Variants in NEURL1 observed in about 807,000 individuals in gnomAD.
NEURL1 encodes the protein E3 ubiquitin-protein ligase NEURL1.
NEURL1 carries 26 observed loss-of-function variants against 41.2 expected under a neutral mutation model. The observed-to-expected ratio is 0.63, with a 90% CI of 0.46 to 0.87. The LOEUF is 0.87. Among genes scored for constraint, NEURL1 ranks in the 40% least tolerant of loss-of-function variants. The pLI is 0.00. For missense variants in NEURL1, 761 were observed against 871.1 expected, an observed-to-expected ratio of 0.87 and a Z score of 1.59; for synonymous variants, 400 against 402.3, an observed-to-expected ratio of 0.99 and a Z score of 0.07.
chr10:103,583,120 G>A (rs2035818533), intron 3 of NEURL1, among the ~76,000 whole-genome samples: 1 of 152,268 alleles, frequency 6.6e-6, no homozygotes, highest in South Asian at 2.1e-4. Context: ...AGAAGAATAT[G>A]GTGTTGGAAA....
rs534275348 is a variant in NEURL1, at chr10:103,556,825, G to T, written c.86-14047G>T. ...TGGCCTTGCCCGTCTGTGGGGTGGG[G>T]GCTCTTCTCAGGGCTTGCTGGCCCC... On this transcript the variant is annotated intron_variant, in intron 1 of 5. Coordinates refer to ENST00000369780, the MANE Select transcript of NEURL1 (RefSeq NM_004210.5). This position sits in a 1 kb window ranked among gnomAD's most constrained non-coding sequence, Gnocchi z 4.4. Among the ~76,000 whole-genome samples, 1 of 152,280 alleles carries T rather than the reference G, an allele frequency of 6.6e-6. No individual in the cohort carries two copies. The highest frequency in any genetic ancestry group is 2.1e-4 in the South Asian group (1 of 4,822).
At position 103,508,002 on chromosome 10, in the gene NEURL1, C is replaced by T. The variant is rs2033987169; in HGVS notation, c.85+13530C>T. Among the ~76,000 whole-genome samples the T allele has an allele frequency of 6.6e-6, 1 of 152,170 alleles. No individual in the cohort carries two copies. Among genetic ancestry groups the T allele is most frequent in the Admixed American group, 6.5e-5 (1 of 15,282 alleles). ...GGAGATCAAAGCCCCAGACCCCCAC[C>T]CTGGGGCTCAGCACTTATTAAATTA... On this transcript the variant is annotated intron_variant, in intron 1 of 5. Coordinates refer to ENST00000369780, the MANE Select transcript of NEURL1 (RefSeq NM_004210.5). The surrounding 1 kb of genome is among the most constrained non-coding windows in gnomAD (Gnocchi z 4.3).
rs2034908356 is a variant in NEURL1 at position 103,545,566 on chromosome 10, C to G, written c.86-25306C>G. Reference sequence around the variant, plus strand: ...CCTGGGGATCTTGCCTGTGGCCCAGCAGCTGGCATGGCCGGTGTCCTCTGG... The same window carrying G: ...CCTGGGGATCTTGCCTGTGGCCCAGGAGCTGGCATGGCCGGTGTCCTCTGG... On this transcript the variant is annotated intron_variant, in intron 1 of 5. Transcript: ENST00000369780. The surrounding 1 kb of genome is among the most constrained non-coding windows in gnomAD (Gnocchi z 4.5). Among the ~76,000 whole-genome samples, 1 of 152,158 alleles carries G rather than the reference C, an allele frequency of 6.6e-6. No individual in the cohort carries two copies.
chr10:103,502,861 C>T lies in NEURL1; in HGVS notation c.85+8389C>T, dbSNP rs574909396. Reference sequence around the variant, plus strand: ...GTTTGTGCCTGTCTCATTCCTGGACCTGCACACCCAGGGGCTAGAACTGAG... The same window carrying T: ...GTTTGTGCCTGTCTCATTCCTGGACTTGCACACCCAGGGGCTAGAACTGAG... On this transcript the variant is annotated intron_variant, in intron 1 of 5. Coordinates refer to ENST00000369780, the MANE Select transcript of NEURL1 (RefSeq NM_004210.5). Among the ~76,000 whole-genome samples the T allele has an allele frequency of 8.5e-5, 13 of 152,348 alleles. No homozygotes were observed. In the South Asian group the frequency reaches 2.7e-3, roughly 32 times the overall value.
At chr10:103,579,064 C>T (rs2035730183) in intron 3 of NEURL1, among the ~76,000 whole-genome samples, 2 of 152,234 alleles carry the variant, frequency 1.3e-5, no homozygotes, top group Admixed American at 1.3e-4. Flanking sequence ...AAGGAGGCCC[C>T]GGCCTGCCCT....
chr10:103,543,449 G>A (rs1473391124), intron 1 of NEURL1, among the ~76,000 whole-genome samples: 1 of 152,218 alleles, frequency 6.6e-6, no homozygotes, highest in African/African-American at 2.4e-5. Context: ...GGAGCAGAAG[G>A]GGGAAGAGTA....
At chr10:103,510,993 G>A (rs2034055728) in intron 1 of NEURL1, among the ~76,000 whole-genome samples, 1 of 152,152 alleles carries the variant, frequency 6.6e-6, no homozygotes, top group Non-Finnish European at 1.5e-5. Context: ...TTGCCAGTGG[G>A]CCTTGAATGG....
chr10:103,582,706 T>G (rs1017660665), intron 3 of NEURL1, among the ~76,000 whole-genome samples: 15 of 152,202 alleles, frequency 9.9e-5, no homozygotes, highest in Non-Finnish European at 1.8e-4. Flanking sequence ...AGCTTTGCTG[T>G]CATACCTGAG....
At position 103,591,007 on chromosome 10, in the gene NEURL1, G is replaced by A. The variant is rs1007705677; in HGVS notation, c.*635G>A. On this transcript the variant is annotated 3_prime_UTR_variant, in exon 6 of 6. Transcript: ENST00000369780. ...GGTGAGAGGCTGGTGGTTGCCTCCC[G>A]TCCTGGGCAGGCTGCAGCCTCATGC... 5 of 153,474 alleles carry A rather than the reference G, an allele frequency of 3.3e-5. No individual in the cohort carries two copies. The highest frequency in any genetic ancestry group is 6.5e-5 in the Admixed American group (1 of 15,380). 9.5% of individuals were successfully genotyped at this position (153,474 alleles called of 1,614,324 possible). A position where few individuals can be genotyped will look rare whatever the true frequency, so the allele number is the denominator to read the frequency against.
At chr10:103,519,288 A>T (rs1012592094) in intron 1 of NEURL1, among the ~76,000 whole-genome samples, 23 of 152,136 alleles carry the variant, frequency 1.5e-4, no homozygotes, top group Non-Finnish European at 2.6e-4. Flanking sequence ...ACACTTTTTT[A>T]AAAAATGAAC....
At chr10:103,536,574 A>G (rs1417184281) in intron 1 of NEURL1, among the ~76,000 whole-genome samples, 1 of 152,028 alleles carries the variant, frequency 6.6e-6, no homozygotes, top group Non-Finnish European at 1.5e-5. Flanking sequence ...CTATCTATCT[A>G]TATACCTATA....
intron 1 of NEURL1, among the ~76,000 whole-genome samples, chr10:103,552,657 C>T (rs1187958656): frequency 2.0e-5 from 3 of 152,158 alleles, no homozygotes; most frequent in African/African-American, 4.8e-5. Context: ...TGGAAGTCCG[C>T]GAGAGCTAGG....
At position 103,566,296 on chromosome 10, in the gene NEURL1, G is replaced by A. The variant is rs948047877; in HGVS notation, c.86-4576G>A. On this transcript the variant is annotated intron_variant, in intron 1 of 5. Transcript: ENST00000369780. This position sits in a 1 kb window ranked among gnomAD's most constrained non-coding sequence, Gnocchi z 4.2. ...CTGTACAACGAGATGAGGTCTCACG[G>A]TGTTGTCCAGGCTAAGATATGGAAC... Among the ~76,000 whole-genome samples, 1 of 152,092 alleles carries A rather than the reference G, an allele frequency of 6.6e-6. No individual in the cohort carries two copies. The highest frequency in any genetic ancestry group is 2.4e-5 in the African/African-American group (1 of 41,482).
intron 1 of NEURL1, among the ~76,000 whole-genome samples, chr10:103,569,355 G>A (rs1045730017): frequency 5.3e-5 from 8 of 152,224 alleles, no homozygotes; most frequent in Non-Finnish European, 7.3e-5. Context: ...TTGAGGAGAT[G>A]CACCACGGTG....
rs1287228110 is a variant in NEURL1 at position 103,545,945 on chromosome 10, G to A, written c.86-24927G>A. ...CATGACGGGGACTCTGGCAAAGTAG[G>A]ATGGTGACTGTGGGCACACTACAGC... On this transcript the variant is annotated intron_variant, in intron 1 of 5. Transcript: ENST00000369780. The surrounding 1 kb of genome is among the most constrained non-coding windows in gnomAD (Gnocchi z 4.5). Among the ~76,000 whole-genome samples, 1 of 152,164 alleles carries A rather than the reference G, an allele frequency of 6.6e-6. No homozygotes were observed. The highest frequency in any genetic ancestry group is 2.4e-5 in the African/African-American group (1 of 41,440).
intron 1 of NEURL1, among the ~76,000 whole-genome samples, chr10:103,563,586 G>A (rs2035353354): frequency 6.6e-6 from 1 of 152,206 alleles, no homozygotes; most frequent in Non-Finnish European, 1.5e-5. Flanking sequence ...AAAGATGGGT[G>A]GGGTTTGGAG....
chr10:103,513,709 T>A (rs1164229804), intron 1 of NEURL1, among the ~76,000 whole-genome samples: 1 of 146,522 alleles, frequency 6.8e-6, no homozygotes, highest in Non-Finnish European at 1.5e-5. Context: ...GGTCCTCTGG[T>A]TCTCAGACCT....
At chr10:103,532,485 G>C (rs2034592568) in intron 1 of NEURL1, among the ~76,000 whole-genome samples, 1 of 152,106 alleles carries the variant, frequency 6.6e-6, no homozygotes, top group South Asian at 2.1e-4. Context: ...GTTTTTGCTT[G>C]TGTGGGAAAG....
chr10:103,571,566 C>G lies in NEURL1; in HGVS notation c.393C>G (p.Ser131=), dbSNP rs765260721. The change falls in exon 3 of 6, where the codon TCC becomes TCG. Residue 131 remains serine (S), a synonymous_variant. Transcript: ENST00000369780. Reference sequence around the variant, plus strand: ...TGGGCTTCACCAGCAAGGACCCGTCCCGCATCCACCCTGACTCGCTGCCCA... The same window carrying G: ...TGGGCTTCACCAGCAAGGACCCGTCGCGCATCCACCCTGACTCGCTGCCCA... ...LRLGFTSKDP[S]RIHPDSLPKY... 6.2e-7 allele frequency: 1 copy of G among 1,613,232 alleles called. No individual in the cohort carries two copies. The highest frequency in any genetic ancestry group is 1.1e-5 in the South Asian group (1 of 91,050).
Sources: gnomAD v4.1 joint callset for allele counts (sites outside exome capture counted in the v4.1 genomes callset) on GRCh38, gnomAD v4.1.1 for gene constraint, Gnocchi (gnomAD v3.1) non-coding constraint, MANE v1.5 for transcripts, NCBI Gene and HGNC (gene_info 2026-07-23, HGNC 2026-07-21) for gene names.